SHC4: variants seen among roughly 807,000 people sequenced by gnomAD.
SHC4 encodes SHC adaptor protein 4, also known as SHC-transforming protein 4.
SHC4 carries 41 observed loss-of-function variants against 69.4 expected under a neutral mutation model. The ratio of observed to expected loss-of-function variants is 0.59; its 90% CI spans 0.46 to 0.77. The LOEUF (loss-of-function observed/expected upper bound fraction) is 0.77, where lower values mean the gene tolerates loss of function less well. Among genes scored for constraint, SHC4 ranks in the 30% least tolerant of loss-of-function variants. The pLI is 0.00. For missense variants in SHC4, 777 were observed against 783.8 expected, an observed-to-expected ratio of 0.99 and a Z score of 0.10; for synonymous variants, 318 against 299.3, an observed-to-expected ratio of 1.06 and a Z score of -0.64.
intron 2 of SHC4, 132 bp downstream of exon 2, chr15:48,924,747 A>C: frequency 9.3e-6 from 8 of 857,660 alleles, no homozygotes; most frequent in Non-Finnish European, 1.5e-5. Context: ...TCACTGGGCG[A>C]GCCTTCTACA....
intron 3 of SHC4, among the ~76,000 whole-genome samples, chr15:48,888,461 C>T (rs1178257903): frequency 2.0e-5 from 3 of 151,914 alleles, no homozygotes; most frequent in African/African-American, 4.8e-5. Context: ...GGGGCCGGGG[C>T]GATAGGGGAC....
At chr15:48,877,836 T>G in intron 4 of SHC4, 1 of 202,314 alleles carries the variant, frequency 4.9e-6, no homozygotes, top group Non-Finnish European at 1.0e-5. Flanking sequence ...GAAGGAGCAT[T>G]AAATGTTACG....
At position 48,941,880 on chromosome 15, in the gene SHC4, A is replaced by C. The variant is rs1162322076; in HGVS notation, c.586-16931T>G. 5.3e-5 allele frequency among the ~76,000 whole-genome samples: 8 copies of C among 152,192 alleles called. No individual in the cohort carries two copies. The East Asian group carries it at 1.5e-3, about 29-fold the overall frequency. On this transcript the variant is annotated intron_variant, in intron 1 of 11. Transcript: ENST00000332408. ...CATTGTATTCATTAAGTAATTTTTC[A>C]TCCTTCACCTCCTTCACACCCTCCC...
chr15:48,915,758 C>T (rs758913963), intron 2 of SHC4, among the ~76,000 whole-genome samples: 1 of 152,250 alleles, frequency 6.6e-6, no homozygotes, highest in Admixed American at 6.5e-5. Context: ...CGTGGGCATT[C>T]TGCCTTAGCT....
chr15:48,907,213 C>CT (rs1218175781), intron 2 of SHC4, among the ~76,000 whole-genome samples: 163 of 143,348 alleles, frequency 1.1e-3, no homozygotes, highest in African/African-American at 1.8e-3. Flanking sequence ...TGATTTCTTT[C>CT]TTTTTTTTTT....
chr15:48,855,533 A>C (rs1040357507), intron 8 of SHC4, among the ~76,000 whole-genome samples: 2 of 152,122 alleles, frequency 1.3e-5, no homozygotes, highest in Admixed American at 6.6e-5. Flanking sequence ...GAACCAATAG[A>C]GAAAGAGTGA....
At chr15:48,839,280 C>T (rs749568516) in intron 10 of SHC4, among the ~76,000 whole-genome samples, 9 of 152,208 alleles carry the variant, frequency 5.9e-5, no homozygotes, top group Non-Finnish European at 1.0e-4. Context: ...GAAACTACAT[C>T]GCCAAAGAAA....
intron 2 of SHC4, among the ~76,000 whole-genome samples, chr15:48,919,039 C>G (rs1214344901): frequency 1.3e-5 from 2 of 151,994 alleles, no homozygotes; most frequent in African/African-American, 4.8e-5. Context: ...GATTTTGAAG[C>G]AAGGGACTGA....
At chr15:48,904,411 C>T (rs116055184) in intron 2 of SHC4, among the ~76,000 whole-genome samples, 2,223 of 152,268 alleles carry the variant, frequency 0.015, 65 homozygotes, top group African/African-American at 0.051. Flanking sequence ...GCTATTTCAA[C>T]AGCCTGCTAA....
At position 48,962,626 on chromosome 15, in the gene SHC4, G is replaced by A. The variant is rs770240871; in HGVS notation, c.390C>T (p.Pro130=). 4.6e-5 allele frequency: 75 copies of A among 1,614,056 alleles called. 1 individual carries two copies. Among genetic ancestry groups the A allele is most frequent in the Non-Finnish European group, 6.3e-5 (74 of 1,180,028 alleles). The change falls in exon 1 of 12, where the codon CCC becomes CCT. Residue 130 remains proline (P), a synonymous_variant. Transcript: ENST00000332408. Reference sequence around the variant, plus strand: ...TACTTAAACTGGTTTCTGGGGAAGAGGGGCCGCTGGAACCTGGGTCCCGGC... The same window carrying A: ...TACTTAAACTGGTTTCTGGGGAAGAAGGGCCGCTGGAACCTGGGTCCCGGC... ...QESRDPGSSG[P]SSPETSLSRS...
rs1409596672 is a variant in SHC4 at position 48,867,806 on chromosome 15, T to C, written c.946+12A>G. On this transcript the variant is annotated intron_variant, in intron 6 of 11. Coordinates refer to ENST00000332408, the MANE Select transcript of SHC4 (RefSeq NM_203349.4). ...CCAGCTCTTTAAAAAATCTGTAAGTTGCTTTCCATACCTCGTTGATTAACT... is the reference window on the plus strand; with the variant it reads ...CCAGCTCTTTAAAAAATCTGTAAGTCGCTTTCCATACCTCGTTGATTAACT... The C allele has an allele frequency of 1.9e-6, 3 of 1,612,798 alleles. No homozygotes were observed. The African/African-American group carries it at 4.0e-5, about 22-fold the overall frequency.
intron 6 of SHC4, among the ~76,000 whole-genome samples, 154 bp from the exon 7 acceptor site, chr15:48,857,969 C>T (rs139441281): frequency 5.9e-5 from 9 of 152,258 alleles, no homozygotes; most frequent in African/African-American, 2.2e-4. Context: ...ATAAAGAATA[C>T]TTCACATTTC....
At chr15:48,933,952 C>T (rs1272065444) in intron 1 of SHC4, among the ~76,000 whole-genome samples, 1 of 152,012 alleles carries the variant, frequency 6.6e-6, no homozygotes, top group East Asian at 1.9e-4. Flanking sequence ...GGTTACAAGA[C>T]CTAAATATAA....
chr15:48,839,623 A>G (rs1898957256), intron 10 of SHC4, among the ~76,000 whole-genome samples: 1 of 152,140 alleles, frequency 6.6e-6, no homozygotes, highest in Non-Finnish European at 1.5e-5. Flanking sequence ...GCTGTCCCAC[A>G]CTGTTGCATT....
At chr15:48,950,967 C>T (rs1474715787) in intron 1 of SHC4, among the ~76,000 whole-genome samples, 1 of 152,058 alleles carries the variant, frequency 6.6e-6, no homozygotes, top group Non-Finnish European at 1.5e-5. Context: ...GAAACTCTCT[C>T]CACCCTCTCC....
At chr15:48,835,056 G>A (rs1404170000) in intron 10 of SHC4, 34 bp from the exon 11 acceptor site, 1 of 1,578,530 alleles carries the variant, frequency 6.3e-7, no homozygotes, top group Non-Finnish European at 8.6e-7. Flanking sequence ...ACATCATCGA[G>A]TTACCTCTTC....
At chr15:48,836,064 G>T (rs997405505) in intron 10 of SHC4, among the ~76,000 whole-genome samples, 85 of 147,474 alleles carry the variant, frequency 5.8e-4, no homozygotes, top group Admixed American at 2.9e-3. Context: ...ATAGTGGCAC[G>T]TGCCTGCAGT....
chr15:48,922,360 T>C (rs574186601), intron 2 of SHC4, among the ~76,000 whole-genome samples: 2 of 152,336 alleles, frequency 1.3e-5, no homozygotes, highest in East Asian at 3.9e-4. Flanking sequence ...CTCAGTGTCT[T>C]AGTCCATTCC....
At chr15:48,924,589 C>G (rs2141024540) in intron 2 of SHC4, among the ~76,000 whole-genome samples, 1 of 152,244 alleles carries the variant, frequency 6.6e-6, no homozygotes, top group Non-Finnish European at 1.5e-5. Flanking sequence ...GGCTTCCTGC[C>G]AGGCATAATT....
Sources: allele counts gnomAD v4.1 joint callset (sites outside exome capture counted in the v4.1 genomes callset), GRCh38; gene constraint gnomAD v4.1.1; transcripts MANE v1.5; gene names NCBI Gene and HGNC (gene_info 2026-07-23, HGNC 2026-07-21).